FHIT: variants seen among roughly 807,000 people sequenced by gnomAD.
The protein encoded by FHIT is fragile histidine triad diadenosine triphosphatase.
FHIT carries 19 observed loss-of-function variants against 17.9 expected under a neutral mutation model. The observed-to-expected ratio is 1.06, with a 90% CI of 0.74 to 1.56. The LOEUF (loss-of-function observed/expected upper bound fraction) is 1.56, where lower values mean the gene tolerates loss of function less well. FHIT is among the 40% of genes most tolerant of loss of function. FHIT has a pLI of 0.00. For synonymous variants in FHIT, 81 were observed against 69.7 expected, an observed-to-expected ratio of 1.16 and a Z score of -0.81; for missense variants, 248 against 189.2, an observed-to-expected ratio of 1.31 and a Z score of -1.82.
chr3:60,962,883 A>G (rs1205439893), intron 3 of FHIT, among the ~76,000 whole-genome samples: 1 of 152,158 alleles, frequency 6.6e-6, no homozygotes, highest in African/African-American at 2.4e-5. Context: ...TATTGGTCTA[A>G]AATTCTCTTA....
At chr3:60,072,697 G>A (rs916926281) in intron 5 of FHIT, among the ~76,000 whole-genome samples, 8 of 152,222 alleles carry the variant, frequency 5.3e-5, no homozygotes, top group Non-Finnish European at 2.9e-5. Flanking sequence ...CATAGGCAGT[G>A]TGGATCCCAA....
chr3:60,007,345 G>A (rs892851388), intron 7 of FHIT, among the ~76,000 whole-genome samples: 2 of 152,158 alleles, frequency 1.3e-5, no homozygotes, highest in African/African-American at 4.8e-5. Context: ...GTAACACCTG[G>A]AATATAGAAG....
intron 3 of FHIT, among the ~76,000 whole-genome samples, chr3:60,825,746 C>A (rs1702087958): frequency 6.6e-6 from 1 of 152,160 alleles, no homozygotes. Context: ...CCCCCCACCT[C>A]CCCATCCATG....
chr3:61,121,319 A>G (rs1474695748), intron 2 of FHIT, among the ~76,000 whole-genome samples: 1 of 152,174 alleles, frequency 6.6e-6, no homozygotes, highest in African/African-American at 2.4e-5. Flanking sequence ...GAAATGAAAG[A>G]AAAATGTTAA....
chr3:59,879,743 T>C (rs1176427871), intron 8 of FHIT, among the ~76,000 whole-genome samples: 2 of 152,202 alleles, frequency 1.3e-5, no homozygotes, highest in Admixed American at 6.5e-5. Flanking sequence ...ATCACAGCAA[T>C]TGCTGGGTCC....
Position 61,038,572 on chromosome 3 carries a change from C to T in FHIT, c.-111+3475G>A, listed in dbSNP as rs769296374. On this transcript the variant is annotated intron_variant, in intron 3 of 9. Coordinates refer to ENST00000492590, the MANE Select transcript of FHIT (RefSeq NM_002012.4). ...CAATGTGGAGCTGGATTAGACAATA[C>T]CAAATAATTACTGTTTATATTGCTT... Among the ~76,000 whole-genome samples, 3 of 152,252 alleles carry T rather than the reference C, an allele frequency of 2.0e-5. No individual in the cohort carries two copies. In the South Asian group the frequency reaches 6.2e-4, roughly 32 times the overall value.
chr3:60,812,362 G>A (rs1414451449), intron 4 of FHIT, among the ~76,000 whole-genome samples: 1 of 151,870 alleles, frequency 6.6e-6, no homozygotes, highest in Non-Finnish European at 1.5e-5. Context: ...GTTTCATCGT[G>A]TTGCCCAAGC....
intron 7 of FHIT, among the ~76,000 whole-genome samples, chr3:59,930,214 G>C (rs948155231): frequency 6.6e-6 from 1 of 152,128 alleles, no homozygotes; most frequent in Non-Finnish European, 1.5e-5. Flanking sequence ...CTCCCACCTG[G>C]AGAGTGAGAA....
chr3:61,174,965 C>T (rs2038114366), intron 2 of FHIT, among the ~76,000 whole-genome samples: 1 of 152,050 alleles, frequency 6.6e-6, no homozygotes, highest in Non-Finnish European at 1.5e-5. Context: ...CTCGAGGAAA[C>T]CACAAAGCAC....
At chr3:60,709,343 T>C (rs188233244) in intron 4 of FHIT, among the ~76,000 whole-genome samples, 219 of 152,336 alleles carry the variant, frequency 1.4e-3, no homozygotes, top group African/African-American at 5.1e-3. Context: ...TGTTGTGATA[T>C]ATTATTAGGG....
chr3:60,898,667 A>C (rs1429722938), intron 3 of FHIT, among the ~76,000 whole-genome samples: 1 of 152,178 alleles, frequency 6.6e-6, no homozygotes, highest in Non-Finnish European at 1.5e-5. Flanking sequence ...TGTCCTAAGA[A>C]ACCATTTCAC....
At chr3:60,484,871 T>A (rs1042073917) in intron 5 of FHIT, among the ~76,000 whole-genome samples, 1 of 151,928 alleles carries the variant, frequency 6.6e-6, no homozygotes, top group Admixed American at 6.6e-5. Flanking sequence ...GAACAGGCAA[T>A]CTACAGAATG....
At chr3:59,760,495 C>A (rs956518571) in intron 8 of FHIT, among the ~76,000 whole-genome samples, 1 of 151,906 alleles carries the variant, frequency 6.6e-6, no homozygotes, top group African/African-American at 2.4e-5. Context: ...ATGCTATGTA[C>A]CCTATATAAA....
At chr3:59,971,215 A>G (rs1708163948) in intron 7 of FHIT, among the ~76,000 whole-genome samples, 1 of 152,170 alleles carries the variant, frequency 6.6e-6, no homozygotes, top group South Asian at 2.1e-4. Flanking sequence ...CCTATTTGAA[A>G]GTAGTCGGCT....
At chr3:60,962,035 A>C (rs1055902671) in intron 3 of FHIT, among the ~76,000 whole-genome samples, 1 of 152,136 alleles carries the variant, frequency 6.6e-6, no homozygotes, top group Non-Finnish European at 1.5e-5. Context: ...GGCCATTTTC[A>C]CGATATTGAT....
At chr3:59,827,036 T>C (rs1198532387) in intron 8 of FHIT, among the ~76,000 whole-genome samples, 1 of 152,188 alleles carries the variant, frequency 6.6e-6, no homozygotes, top group Non-Finnish European at 1.5e-5. Context: ...CAATGATGCC[T>C]TCTATGTCAG....
At chr3:60,035,927 C>A (rs1033576295) in intron 5 of FHIT, among the ~76,000 whole-genome samples, 2 of 152,212 alleles carry the variant, frequency 1.3e-5, no homozygotes, top group African/African-American at 4.8e-5. Flanking sequence ...AGGTTTACTT[C>A]TTGCCTGCTA....
intron 4 of FHIT, among the ~76,000 whole-genome samples, chr3:60,598,243 G>A (rs1252411916): frequency 6.6e-6 from 1 of 152,082 alleles, no homozygotes; most frequent in Non-Finnish European, 1.5e-5. Flanking sequence ...CTGAATAAAT[G>A]TGTTCTTTGC....
intron 3 of FHIT, among the ~76,000 whole-genome samples, chr3:61,003,561 C>T (rs571839344): frequency 1.3e-4 from 20 of 152,310 alleles, no homozygotes; most frequent in Non-Finnish European, 1.5e-5. Context: ...GCTATGACTG[C>T]TCTAGTACTG....
Sources: gnomAD v4.1 joint callset for allele counts (sites outside exome capture counted in the v4.1 genomes callset) on GRCh38, gnomAD v4.1.1 for gene constraint, MANE v1.5 for transcripts, NCBI Gene and HGNC (gene_info 2026-07-23, HGNC 2026-07-21) for gene names.